The following ATM variants were observed in gnomAD, a reference collection of about 807,000 sequenced individuals.
ATM encodes the protein ATM serine/threonine kinase.
A neutral mutation model predicts 387.0 loss-of-function variants in ATM; 308 were observed. The ratio of observed to expected loss-of-function variants is 0.80; its 90% CI spans 0.73 to 0.87. The LOEUF is 0.87. ATM is among the 40% of genes least tolerant of loss of function. The pLI is 0.00. For synonymous variants in ATM, 1,156 were observed against 1,187.3 expected, an observed-to-expected ratio of 0.97 and a Z score of 0.54; for missense variants, 3,312 against 3,560.9, an observed-to-expected ratio of 0.93 and a Z score of 1.78.
chr11:108,273,228 C>T (rs1477655116), intron 22 of ATM, among the ~76,000 whole-genome samples: 1 of 147,132 alleles, frequency 6.8e-6, no homozygotes, highest in African/African-American at 2.5e-5. Flanking sequence ...GTGCTAATTA[C>T]AATTATATTT....
At chr11:108,282,904 A>T (rs1301141967) in intron 25 of ATM, 25 bp downstream of exon 25, 1 of 1,418,116 alleles carries the variant, frequency 7.1e-7, no homozygotes, top group Non-Finnish European at 9.9e-7. Context: ...GACATATGTG[A>T]AATTTGTTTA....
intron 37 of ATM, among the ~76,000 whole-genome samples, chr11:108,305,496 C>G (rs2083643054): frequency 6.6e-6 from 1 of 152,134 alleles, no homozygotes; most frequent in Non-Finnish European, 1.5e-5. Context: ...AGGAGAATCA[C>G]TTGAACTCAG....
At position 108,331,570 on chromosome 11, in the gene ATM, G is replaced by A. The variant is rs563651647; in HGVS notation, c.7629+13G>A. On this transcript the variant is annotated intron_variant, in intron 51 of 62. Transcript: ENST00000675843. ...AGTCCTCAATAATGTAAGTAAACCTGAAAATCAAACCACAATAATTATTTT... is the reference window on the plus strand; with the variant it reads ...AGTCCTCAATAATGTAAGTAAACCTAAAAATCAAACCACAATAATTATTTT... 183 of 1,600,668 alleles carry A rather than the reference G, an allele frequency of 1.1e-4. 1 individual carries two copies. The South Asian group carries it at 2.0e-3, about 17-fold the overall frequency.
intron 56 of ATM, among the ~76,000 whole-genome samples, chr11:108,338,377 A>C (rs1253868317): frequency 6.6e-6 from 1 of 152,004 alleles, no homozygotes; most frequent in Non-Finnish European, 1.5e-5. Flanking sequence ...TCTAGAGGCC[A>C]GATGCAGTGG....
At chr11:108,282,354 T>C (rs2082277863) in intron 24 of ATM, among the ~76,000 whole-genome samples, 1 of 152,116 alleles carries the variant, frequency 6.6e-6, no homozygotes, top group Non-Finnish European at 1.5e-5. Flanking sequence ...TCTTGAACTC[T>C]TGGGCTTAAG....
intron 27 of ATM, among the ~76,000 whole-genome samples, chr11:108,287,983 G>A (rs1485467206): frequency 2.0e-5 from 3 of 151,910 alleles, no homozygotes; most frequent in Non-Finnish European, 2.9e-5. Flanking sequence ...TGAACATTGT[G>A]CCATCTGTTG....
intron 26 of ATM, among the ~76,000 whole-genome samples, chr11:108,285,064 A>G (rs894056712): frequency 1.3e-5 from 2 of 152,050 alleles, no homozygotes; most frequent in Admixed American, 6.6e-5. Context: ...GGTTCAAGCA[A>G]TTCTCCTGCC....
intron 4 of ATM, among the ~76,000 whole-genome samples, chr11:108,233,413 A>C (rs891814221): frequency 1.3e-5 from 2 of 151,926 alleles, no homozygotes; most frequent in African/African-American, 4.8e-5. Context: ...CTACAAAAAC[A>C]CAAAAATTAG....
intron 57 of ATM, among the ~76,000 whole-genome samples, chr11:108,343,798 AAAC>A (rs907536224): frequency 3.3e-5 from 5 of 152,116 alleles, no homozygotes; most frequent in East Asian, 1.9e-4. Flanking sequence ...CAAACACAGT[AAAC>A]AACAACAACA....
chr11:108,326,172 G>A lies in ATM; in HGVS notation c.6922G>A (p.Ala2308Thr), dbSNP rs1591134072. 1 of 1,614,106 alleles carries A rather than the reference G, an allele frequency of 6.2e-7. No homozygotes were observed. Among genetic ancestry groups the A allele is most frequent in the Non-Finnish European group, 8.5e-7 (1 of 1,180,002 alleles). ...VFWAKKEQSL[A>T]LSILKQMIKK... Reference sequence around the variant, plus strand: ...CTGGGCAAAAAAGGAGCAGAGTCTTGCCCTGAGTATTCTCAAGCAAATGAT... The same window carrying A: ...CTGGGCAAAAAAGGAGCAGAGTCTTACCCTGAGTATTCTCAAGCAAATGAT... The change falls in exon 47 of 63, where the codon GCC becomes ACC. Residue 2308 changes from alanine (A) to threonine (T), a missense_variant. Physicochemically the swap from Ala to Thr is moderately conservative, Grantham distance 58. Transcript: ENST00000675843.
rs2087803205 is a variant in ATM at position 108,343,215 on chromosome 11, A to G, written c.8269-7A>G. 1 of 1,613,790 alleles carries G rather than the reference A, an allele frequency of 6.2e-7. No homozygotes were observed. Among genetic ancestry groups the G allele is most frequent in the South Asian group, 1.1e-5 (1 of 91,068 alleles). On this transcript the variant is annotated splice_polypyrimidine_tract_variant and splice_region_variant and intron_variant, in intron 56 of 62. Transcript: ENST00000675843. ...AAAATTAAAAGGTATTTAATCTGTA[A>G]CTCCAGGTGGTTCCCCTCTCTCAGC...
chr11:108,228,202 T>C (rs1222900936), intron 3 of ATM, among the ~76,000 whole-genome samples: 3 of 152,208 alleles, frequency 2.0e-5, no homozygotes, highest in Non-Finnish European at 4.4e-5. Context: ...TTATAATAAA[T>C]GTTAGGATAT....
intron 61 of ATM, 23 bp downstream of exon 61, chr11:108,354,897 C>T (rs1565582825): frequency 1.3e-6 from 2 of 1,595,116 alleles, no homozygotes; most frequent in East Asian, 4.5e-5. Flanking sequence ...ATAAGGAAGA[C>T]TTTATTTTTT....
chr11:108,284,756 A>C (rs1425690544), intron 26 of ATM, among the ~76,000 whole-genome samples: 2 of 152,186 alleles, frequency 1.3e-5, no homozygotes, highest in African/African-American at 4.8e-5. Context: ...AACTGTTGTA[A>C]TACACGAATG....
intron 50 of ATM, chr11:108,331,171 T>A (rs967078637): frequency 1.8e-6 from 2 of 1,128,102 alleles, no homozygotes; most frequent in African/African-American, 1.6e-5. Flanking sequence ...CTTCCTTAGA[T>A]TTTTTGGAAT....
chr11:108,236,933 G>A (rs228599), intron 5 of ATM, among the ~76,000 whole-genome samples: 94,324 of 152,028 alleles, frequency 0.62, 29,566 homozygotes, highest in Middle Eastern at 0.76. Flanking sequence ...TTTAAGTCAG[G>A]TGTCAAAGTC....
At chr11:108,303,742 A>G (rs996204662) in intron 36 of ATM, among the ~76,000 whole-genome samples, 6 of 152,200 alleles carry the variant, frequency 3.9e-5, no homozygotes, top group African/African-American at 9.6e-5. Flanking sequence ...CTTCTCTGCA[A>G]TACTACACCG....
At chr11:108,308,212 C>T in intron 38 of ATM, 1 of 549,456 alleles carries the variant, frequency 1.8e-6, no homozygotes, top group Non-Finnish European at 3.3e-6. Context: ...AACCATGTTA[C>T]CTTTGTTAAA....
At position 108,227,697 on chromosome 11, in the gene ATM, G is replaced by T. The variant is rs786204088; in HGVS notation, c.72+1G>T. ...ACATGATAGAGCTACAGAACGAAAG[G>T]TAGTAAATTACTTAAATTCAATTTT... is the stretch of plus-strand genomic sequence containing the variant. On this transcript the variant is annotated splice_donor_variant, in intron 2 of 62. Coordinates refer to ENST00000675843, the MANE Select transcript of ATM (RefSeq NM_000051.4). LOFTEE classifies it high-confidence loss of function. The T allele has an allele frequency of 6.2e-7, 1 of 1,613,204 alleles. No homozygotes were observed. Among genetic ancestry groups the T allele is most frequent in the South Asian group, 1.1e-5 (1 of 91,032 alleles).
Sources: gnomAD v4.1 joint callset for allele counts (sites outside exome capture counted in the v4.1 genomes callset) on GRCh38, gnomAD v4.1.1 for gene constraint, MANE v1.5 for transcripts, NCBI Gene and HGNC (gene_info 2026-07-23, HGNC 2026-07-21) for gene names.